Variants in HERC3 observed in about 807,000 individuals in gnomAD.
HERC3 encodes probable E3 ubiquitin-protein ligase HERC3.
HERC3 carries 58 observed loss-of-function variants against 129.9 expected under a neutral mutation model. That is an observed-to-expected ratio of 0.45 (90% CI 0.36 to 0.56). The LOEUF is 0.56. Among genes scored for constraint, HERC3 ranks in the 20% least tolerant of loss-of-function variants. HERC3 has a pLI of 0.00. For missense variants in HERC3, 835 were observed against 1,244.2 expected (o/e 0.67, Z 4.95); for synonymous variants, 430 against 451.0 (o/e 0.95, Z 0.59).
the HERC3 span, among the ~76,000 whole-genome samples, chr4:88,554,021 A>G: frequency 6.6e-6 from 1 of 152,170 alleles, no homozygotes; most frequent in East Asian, 1.9e-4. Context: ...GTTGGGCAGA[A>G]ACCTTGTTAA....
At chr4:88,551,951 G>A in the HERC3 span, among the ~76,000 whole-genome samples, 1 of 152,080 alleles carries the variant, frequency 6.6e-6, no homozygotes, top group African/African-American at 2.4e-5. Context: ...ATACTATGCA[G>A]CCATAAAAAA....
intron 14 of HERC3, among the ~76,000 whole-genome samples, chr4:88,669,003 CT>C (rs1731332113): frequency 6.6e-6 from 1 of 152,046 alleles, no homozygotes; most frequent in African/African-American, 2.4e-5. Context: ...GAAATCTTAC[CT>C]GACTTTCAAG....
intron 3 of HERC3, among the ~76,000 whole-genome samples, chr4:88,627,750 A>C (rs952402118): frequency 6.9e-6 from 1 of 145,496 alleles, no homozygotes; most frequent in African/African-American, 2.6e-5. Context: ...TAAAAATACA[A>C]AAAAGTAGGC....
chr4:88,637,252 C>T (rs28823744), intron 3 of HERC3, among the ~76,000 whole-genome samples: 6,049 of 152,002 alleles, frequency 0.04, 143 homozygotes, highest in Middle Eastern at 0.12. Context: ...GACGAAACCC[C>T]GTCTCTACTA....
upstream of HERC3, among the ~76,000 whole-genome samples, chr4:88,589,095 C>CGTGT (rs147850626): frequency 2.6e-5 from 4 of 151,108 alleles, no homozygotes; most frequent in Admixed American, 1.3e-4. Context: ...CGCGTGTGTG[C>CGTGT]GTGTGTGTGT....
Position 88,670,139 on chromosome 4 carries a change from G to A in HERC3, c.1798G>A (p.Val600Ile). Reference protein sequence around the residue: ...ALKLLEKLYKVNLKVKHVEYD... With the variant: ...ALKLLEKLYKINLKVKHVEYD... ...TTGTCTGTATTTTGTTCTTCATTAGGTAAATCTTAAAGTGAAGCATGTGGA... is the reference window on the plus strand; with the variant it reads ...TTGTCTGTATTTTGTTCTTCATTAGATAAATCTTAAAGTGAAGCATGTGGA... The change falls in exon 16 of 26, where the codon GTA becomes ATA. Residue 600 changes from valine to isoleucine, a missense_variant and splice_region_variant. By Grantham distance (29) the Val-to-Ile change is conservative (BLOSUM62 3). Coordinates refer to ENST00000402738, the MANE Select transcript of HERC3 (RefSeq NM_014606.3). The A allele has an allele frequency of 1.2e-6, 2 of 1,610,050 alleles. No homozygotes were observed. Among genetic ancestry groups the A allele is most frequent in the Non-Finnish European group, 8.5e-7 (1 of 1,176,590 alleles).
intron 2 of HERC3, among the ~76,000 whole-genome samples, chr4:88,600,937 T>C (rs1480892082): frequency 6.6e-6 from 1 of 152,206 alleles, no homozygotes; most frequent in African/African-American, 2.4e-5. Flanking sequence ...ATGTGGATAA[T>C]AGCAATTGAG....
At chr4:88,632,771 A>G (rs1422917678) in intron 3 of HERC3, among the ~76,000 whole-genome samples, 1 of 152,214 alleles carries the variant, frequency 6.6e-6, no homozygotes, top group Non-Finnish European at 1.5e-5. Flanking sequence ...GGACCTGTGG[A>G]ATGAGAACAA....
the HERC3 span, among the ~76,000 whole-genome samples, chr4:88,546,389 A>G: frequency 6.6e-6 from 1 of 152,210 alleles, no homozygotes; most frequent in Middle Eastern, 3.2e-3. Flanking sequence ...AGTGCTATCT[A>G]TATGCCAGGA....
intron 3 of HERC3, among the ~76,000 whole-genome samples, chr4:88,606,856 T>C (rs907798719): frequency 6.6e-6 from 1 of 152,214 alleles, no homozygotes; most frequent in Admixed American, 6.5e-5. Context: ...CCAAATCATA[T>C]CATCCAGTAA....
At chr4:88,622,286 C>A (rs1029214743) in intron 3 of HERC3, among the ~76,000 whole-genome samples, 1 of 152,190 alleles carries the variant, frequency 6.6e-6, no homozygotes, top group Non-Finnish European at 1.5e-5. Context: ...TTTTCCAGGT[C>A]CATCCATGTT....
the HERC3 span, among the ~76,000 whole-genome samples, chr4:88,538,452 T>C: frequency 6.6e-6 from 1 of 152,192 alleles, no homozygotes. Context: ...AGGTTTGGTT[T>C]CTTCTAAGCC....
At chr4:88,604,891 C>T (rs923174702) in intron 2 of HERC3, among the ~76,000 whole-genome samples, 6 of 152,196 alleles carry the variant, frequency 3.9e-5, no homozygotes, top group African/African-American at 1.4e-4. Flanking sequence ...TTATCACCAA[C>T]ACTTGTTGTT....
intron 16 of HERC3, among the ~76,000 whole-genome samples, chr4:88,674,234 A>G (rs895874988): frequency 6.6e-5 from 10 of 152,058 alleles, no homozygotes; most frequent in African/African-American, 2.4e-4. Context: ...GGTGGGGGTT[A>G]CAGGAAGAGG....
chr4:88,690,312 G>A, intron 23 of HERC3: 1 of 984,752 alleles, frequency 1.0e-6, no homozygotes, highest in Non-Finnish European at 1.2e-6. Context: ...ATTTATGGCA[G>A]ATCATAAAGC....
chr4:88,679,969 A>T (rs933434496), intron 19 of HERC3, 124 bp from the exon 20 acceptor site: 2 of 747,672 alleles, frequency 2.7e-6, no homozygotes, highest in Admixed American at 3.3e-5. Context: ...TTTTCATTGC[A>T]TCAGTGTGTA....
At chr4:88,659,502 A>AGCT (rs1176559343) in intron 10 of HERC3, among the ~76,000 whole-genome samples, 1 of 152,248 alleles carries the variant, frequency 6.6e-6, no homozygotes, top group East Asian at 1.9e-4. Flanking sequence ...GCTGATGATT[A>AGCT]GCTATTTTCC....
At chr4:88,647,063 T>G (rs1452488364) in intron 3 of HERC3, among the ~76,000 whole-genome samples, 1 of 152,136 alleles carries the variant, frequency 6.6e-6, no homozygotes, top group African/African-American at 2.4e-5. Context: ...ATGTAAGGAA[T>G]GCTATCAAAG....
chr4:88,698,297 T>C (rs1391837759), intron 23 of HERC3, among the ~76,000 whole-genome samples: 2 of 152,144 alleles, frequency 1.3e-5, no homozygotes, highest in African/African-American at 4.8e-5. Context: ...TCCACCCCTT[T>C]GGGGACCTGG....
Sources: gnomAD v4.1 joint callset for allele counts (sites outside exome capture counted in the v4.1 genomes callset) on GRCh38, gnomAD v4.1.1 for gene constraint, MANE v1.5 for transcripts, NCBI Gene and HGNC (gene_info 2026-07-23, HGNC 2026-07-21) for gene names.